The following UBAC2 variants were observed in gnomAD, a reference collection of about 807,000 sequenced individuals.
The protein encoded by UBAC2 is ubiquitin-associated domain-containing protein 2.
In UBAC2, 26 loss-of-function variants were observed where a neutral mutation model predicts 44.0. That is an observed-to-expected ratio of 0.59 (90% confidence interval 0.43 to 0.82). The LOEUF (loss-of-function observed/expected upper bound fraction) is 0.82, where lower values mean the gene tolerates loss of function less well. Among genes scored for constraint, UBAC2 ranks in the 40% least tolerant of loss-of-function variants. The pLI, the probability that UBAC2 is intolerant of heterozygous loss-of-function variation, is 0.00. For synonymous variants in UBAC2, 155 were observed against 154.3 expected (o/e 1.00, Z -0.04); for missense variants, 329 against 419.4 (o/e 0.78, Z 1.88).
chr13:99,244,493 T>G, intron 3 of UBAC2, 22 bp from the exon 4 acceptor site: 1 of 1,540,840 alleles, frequency 6.5e-7, no homozygotes, highest in Non-Finnish European at 9.0e-7. Flanking sequence ...CTCTATCATT[T>G]TTCTGCTGTT....
chr13:99,206,489 C>G (rs2042874150), intron 1 of UBAC2, among the ~76,000 whole-genome samples: 2 of 152,228 alleles, frequency 1.3e-5, no homozygotes, highest in African/African-American at 4.8e-5. Flanking sequence ...ACCACCATGG[C>G]TATGCTCACC....
At chr13:99,338,051 T>TTC (rs1566509551) in intron 6 of UBAC2, among the ~76,000 whole-genome samples, 9 of 57,904 alleles carry the variant, frequency 1.6e-4, no homozygotes, top group African/African-American at 3.5e-4. Flanking sequence ...TTTTTTCTTT[T>TTC]TTTTTTTTTT....
chr13:99,353,566 T>C (rs1364659634), intron 7 of UBAC2, among the ~76,000 whole-genome samples: 1 of 152,240 alleles, frequency 6.6e-6, no homozygotes, highest in Non-Finnish European at 1.5e-5. Flanking sequence ...ATGTAAAAGT[T>C]ATCAGTAATC....
intron 6 of UBAC2, among the ~76,000 whole-genome samples, chr13:99,328,075 A>G (rs542275282): frequency 6.6e-6 from 1 of 152,252 alleles, no homozygotes; most frequent in South Asian, 2.1e-4. Flanking sequence ...CTTTGCTGGA[A>G]TTTCATATAC....
At chr13:99,314,260 A>C in intron 5 of UBAC2, 40 bp downstream of exon 5, 1 of 1,245,004 alleles carries the variant, frequency 8.0e-7, no homozygotes, top group Non-Finnish European at 1.0e-6. Flanking sequence ...CTTTAACCAG[A>C]TCTTTTTTTT....
chr13:99,256,806 T>C (rs1001124325), intron 4 of UBAC2, among the ~76,000 whole-genome samples: 1 of 152,036 alleles, frequency 6.6e-6, no homozygotes, highest in Non-Finnish European at 1.5e-5. Flanking sequence ...TCCCCCATGA[T>C]GCAACACCAA....
chr13:99,304,879 C>T (rs2044309202), intron 4 of UBAC2, among the ~76,000 whole-genome samples: 1 of 152,176 alleles, frequency 6.6e-6, no homozygotes, highest in African/African-American at 2.4e-5. Context: ...GGGTAGAAAA[C>T]AAGTAAAATA....
chr13:99,239,284 A>G (rs1367787328), intron 2 of UBAC2, among the ~76,000 whole-genome samples: 1 of 152,198 alleles, frequency 6.6e-6, no homozygotes, highest in Non-Finnish European at 1.5e-5. Flanking sequence ...TATCCGTATT[A>G]CTGATTTGTC....
At chr13:99,242,597 T>C (rs2043321863) in intron 2 of UBAC2, among the ~76,000 whole-genome samples, 6 of 91,240 alleles carry the variant, frequency 6.6e-5, no homozygotes, top group African/African-American at 8.5e-5. Context: ...GAGGCGCCCC[T>C]CACCTCCCAG....
intron 1 of UBAC2, among the ~76,000 whole-genome samples, chr13:99,235,696 C>G (rs554268638): frequency 1.3e-5 from 2 of 152,068 alleles, no homozygotes; most frequent in Non-Finnish European, 2.9e-5. Flanking sequence ...GTGCTGGGGC[C>G]GGGTGCAGTG....
At chr13:99,225,902 A>C (rs1009853071) in intron 1 of UBAC2, among the ~76,000 whole-genome samples, 1 of 152,234 alleles carries the variant, frequency 6.6e-6, no homozygotes, top group Non-Finnish European at 1.5e-5. Context: ...TTTTAGTGGC[A>C]CTAAAAATAA....
At position 99,385,168 on chromosome 13, in the gene UBAC2, G is replaced by A; in HGVS notation, c.928-60G>A. On this transcript the variant is annotated intron_variant, in intron 8 of 8. Transcript: ENST00000403766. ...CAAGGCTCACATGAAGAACATTTGG[G>A]GCCCAGGGATAAGCGGCAATGTCAG... 3.2e-6 allele frequency: 4 copies of A among 1,265,242 alleles called. No individual in the cohort carries two copies. In the East Asian group the frequency reaches 7.0e-5, roughly 22 times the overall value. The allele number at this position is 1,265,242 out of a possible 1,614,324, so 78.4% of individuals were successfully genotyped here. A position where few individuals can be genotyped will look rare whatever the true frequency, so the allele number is the denominator to read the frequency against.
chr13:99,239,189 C>CT (rs2043272864), intron 2 of UBAC2, among the ~76,000 whole-genome samples: 1 of 152,226 alleles, frequency 6.6e-6, no homozygotes, highest in African/African-American at 2.4e-5. Context: ...TTCTTGAACA[C>CT]TGACACCTTT....
chr13:99,356,040 C>A, intron 7 of UBAC2: 1 of 419,182 alleles, frequency 2.4e-6, no homozygotes, highest in Non-Finnish European at 5.3e-6. Context: ...GTACCTATGT[C>A]ACAGTAAGAT....
intron 4 of UBAC2, among the ~76,000 whole-genome samples, chr13:99,271,544 T>C (rs1376376538): frequency 6.6e-6 from 1 of 152,218 alleles, no homozygotes; most frequent in Non-Finnish European, 1.5e-5. Context: ...TCGGGAGCCA[T>C]TGCATGATGC....
At chr13:99,383,165 T>C (rs961452297) in intron 8 of UBAC2, among the ~76,000 whole-genome samples, 22 of 152,224 alleles carry the variant, frequency 1.4e-4, no homozygotes, top group Admixed American at 8.5e-4. Context: ...TGTGTGTGTG[T>C]GCCTGTGCAC....
chr13:99,308,291 C>T (rs543522832), intron 4 of UBAC2, among the ~76,000 whole-genome samples: 1 of 152,260 alleles, frequency 6.6e-6, no homozygotes, highest in East Asian at 1.9e-4. Flanking sequence ...GCCTGGATAG[C>T]AGGTCTTAGG....
intron 4 of UBAC2, among the ~76,000 whole-genome samples, chr13:99,249,042 A>G (rs545804055): frequency 6.6e-6 from 1 of 152,148 alleles, no homozygotes; most frequent in Non-Finnish European, 1.5e-5. Flanking sequence ...TTCAACTTTC[A>G]GATTCAGGGG....
At chr13:99,283,711 ACCTTTTTTTT>A (rs2043981905) in intron 4 of UBAC2, among the ~76,000 whole-genome samples, 1 of 95,640 alleles carries the variant, frequency 1.0e-5, no homozygotes, top group Non-Finnish European at 2.1e-5. Context: ...CCTTAATGCC[ACCTTTTTTTT>A]TTTTTTTTTT....
Sources: allele counts gnomAD v4.1 joint callset (sites outside exome capture counted in the v4.1 genomes callset), GRCh38; gene constraint gnomAD v4.1.1; transcripts MANE v1.5; gene names NCBI Gene and HGNC (gene_info 2026-07-23, HGNC 2026-07-21).